The following PRKCB variants were observed in gnomAD, a reference collection of about 807,000 sequenced individuals.
PRKCB encodes the protein protein kinase C beta type.
Under a neutral mutation model 81.5 loss-of-function variants are expected in PRKCB, and 13 were observed. The observed-to-expected ratio is 0.16, with a 90% CI of 0.10 to 0.25. The LOEUF is 0.25. Ranked by LOEUF, PRKCB falls within the 10% of genes least tolerant of loss-of-function variation. PRKCB has a pLI of 1.00. For synonymous variants in PRKCB, 335 were observed against 321.4 expected (o/e 1.04, Z -0.45); for missense variants, 509 against 875.7 (o/e 0.58, Z 5.29).
chr16:24,025,975 A>G (rs1268796768), intron 3 of PRKCB, among the ~76,000 whole-genome samples: 1 of 152,120 alleles, frequency 6.6e-6, no homozygotes, highest in Non-Finnish European at 1.5e-5. Flanking sequence ...TACATGTGAG[A>G]CACCCAGCGT....
Position 24,217,182 on chromosome 16 carries a change from G to C in PRKCB, c.*2366G>C, listed in dbSNP as rs2021847. 158,595 of 920,166 alleles carry C rather than the reference G, an allele frequency of 0.17. 13,137 individuals carry two copies. Among genetic ancestry groups the C allele is most frequent in the East Asian group, 0.22 (1,882 of 8,474 alleles). The allele number at this position is 920,166 out of a possible 1,614,324, so 57.0% of individuals were successfully genotyped here. On this transcript the variant is annotated 3_prime_UTR_variant, in exon 17 of 17. Transcript: ENST00000643927. ...GAAGGAAAAGAAGGAAGGAAGGAAG[G>C]AATATAGTGTTATAAATACTGCACT...
chr16:24,049,912 G>A (rs551564061), intron 5 of PRKCB, among the ~76,000 whole-genome samples: 5 of 152,164 alleles, frequency 3.3e-5, no homozygotes, highest in East Asian at 1.9e-4. Context: ...TACTGTACAC[G>A]TTAGACCTTA....
chr16:23,973,838 T>C (rs1964590095), intron 2 of PRKCB, among the ~76,000 whole-genome samples: 1 of 152,070 alleles, frequency 6.6e-6, no homozygotes, highest in Non-Finnish European at 1.5e-5. Flanking sequence ...GCCCCGCTAC[T>C]GTTTTGTGTT....
chr16:24,177,358 A>T (rs991742074), intron 12 of PRKCB, among the ~76,000 whole-genome samples: 6 of 151,010 alleles, frequency 4.0e-5, no homozygotes, highest in African/African-American at 1.5e-4. Context: ...CTAACTACAC[A>T]CTCTCCCTTT....
chr16:23,917,212 A>T (rs1963754032), intron 2 of PRKCB, among the ~76,000 whole-genome samples: 1 of 152,040 alleles, frequency 6.6e-6, no homozygotes, highest in Non-Finnish European at 1.5e-5. Flanking sequence ...TTTCCTGACT[A>T]GCTGGGATTA....
intron 3 of PRKCB, among the ~76,000 whole-genome samples, chr16:23,990,170 T>G (rs1056013049): frequency 6.6e-6 from 1 of 152,060 alleles, no homozygotes. Flanking sequence ...GAAGAAGCTT[T>G]TTTTTTGGCC....
At chr16:24,097,533 G>C (rs892620207) in intron 7 of PRKCB, among the ~76,000 whole-genome samples, 1 of 152,156 alleles carries the variant, frequency 6.6e-6, no homozygotes, top group Non-Finnish European at 1.5e-5. Flanking sequence ...AAGAAGACAG[G>C]AGCTGAGAGT....
intron 6 of PRKCB, among the ~76,000 whole-genome samples, chr16:24,093,427 C>T (rs1309956650): frequency 1.3e-5 from 2 of 152,312 alleles, no homozygotes; most frequent in Non-Finnish European, 1.5e-5. Context: ...CTTTCTTGTA[C>T]ATCTAGGCAT....
chr16:23,958,789 A>G (rs1190640582), intron 2 of PRKCB, among the ~76,000 whole-genome samples: 1 of 141,718 alleles, frequency 7.1e-6, no homozygotes, highest in Admixed American at 7.4e-5. Context: ...CCTCATTATT[A>G]TTTTAAGTAC....
At chr16:24,191,432 T>G in intron 16 of PRKCB, 4 of 514,072 alleles carry the variant, frequency 7.8e-6, no homozygotes, top group Non-Finnish European at 6.6e-6. Context: ...TCTATAAAGA[T>G]GGAAACGACG....
At chr16:24,047,471 C>T (rs1057300207) in intron 5 of PRKCB, among the ~76,000 whole-genome samples, 3 of 151,478 alleles carry the variant, frequency 2.0e-5, no homozygotes, top group South Asian at 2.1e-4. Context: ...TTGGTGGCTG[C>T]GGTGAGCTAT....
At position 23,852,395 on chromosome 16, in the gene PRKCB, T is replaced by G. The variant is rs187816973; in HGVS notation, c.205+14989T>G. On this transcript the variant is annotated intron_variant, in intron 2 of 16. Coordinates refer to ENST00000643927, the MANE Select transcript of PRKCB (RefSeq NM_002738.7). ...TGATCATATGATTTTTATCCTTTAT[T>G]TTGTTAACATGGGTATCACATTTAT... 9.7e-4 allele frequency among the ~76,000 whole-genome samples: 148 copies of G among 152,340 alleles called. 1 individual carries two copies. Among genetic ancestry groups the G allele is most frequent in the African/African-American group, 3.4e-3 (141 of 41,580 alleles).
intron 3 of PRKCB, among the ~76,000 whole-genome samples, chr16:24,016,343 A>C (rs1374817780): frequency 6.6e-6 from 1 of 152,108 alleles, no homozygotes; most frequent in Non-Finnish European, 1.5e-5. Flanking sequence ...AGACATTTTC[A>C]GGTATGCTAC....
intron 2 of PRKCB, among the ~76,000 whole-genome samples, chr16:23,898,080 T>A (rs1380610861): frequency 2.0e-5 from 3 of 150,556 alleles, no homozygotes; most frequent in Non-Finnish European, 4.4e-5. Context: ...TTTTTTTTTT[T>A]TTTGAGACAG....
At position 24,043,033 on chromosome 16, in the gene PRKCB, G is replaced by A. The variant is rs550180959; in HGVS notation, c.529+7486G>A. ...ATTATAGATGTGAGCCACTGTGCCC[G>A]GTGATGTCTTAAGTGTACAATGGCT... On this transcript the variant is annotated intron_variant, in intron 5 of 16. Transcript: ENST00000643927. Among the ~76,000 whole-genome samples the A allele has an allele frequency of 4.6e-5, 7 of 152,264 alleles. No individual in the cohort carries two copies. In the East Asian group the frequency reaches 1.2e-3, roughly 25 times the overall value.
intron 5 of PRKCB, among the ~76,000 whole-genome samples, chr16:24,064,925 C>T (rs1466547804): frequency 1.3e-5 from 2 of 148,368 alleles, no homozygotes; most frequent in East Asian, 2.0e-4. Flanking sequence ...TATGTATATA[C>T]ATATATACAT....
intron 5 of PRKCB, among the ~76,000 whole-genome samples, chr16:24,070,246 T>C (rs575179541): frequency 6.6e-6 from 1 of 151,920 alleles, no homozygotes; most frequent in Non-Finnish European, 1.5e-5. Flanking sequence ...CCTCCTGGGT[T>C]CAAGCGATTC....
intron 3 of PRKCB, among the ~76,000 whole-genome samples, chr16:23,996,809 C>A (rs1453526460): frequency 6.6e-6 from 1 of 152,108 alleles, no homozygotes; most frequent in Admixed American, 6.5e-5. Context: ...GGTGGAATGG[C>A]CTTTTGAAGA....
chr16:23,859,005 C>A (rs1370147584), intron 2 of PRKCB, among the ~76,000 whole-genome samples: 5 of 152,104 alleles, frequency 3.3e-5, no homozygotes, highest in Non-Finnish European at 7.4e-5. Context: ...GTGGCTCGTG[C>A]TTATATTCAC....
Sources: allele counts gnomAD v4.1 joint callset (sites outside exome capture counted in the v4.1 genomes callset), GRCh38; gene constraint gnomAD v4.1.1; transcripts MANE v1.5; gene names NCBI Gene and HGNC (gene_info 2026-07-23, HGNC 2026-07-21).